Variants in CYP4Z1 observed in about 807,000 individuals in gnomAD.
CYP4Z1 encodes the protein cytochrome P450 family 4 subfamily Z member 1.
CYP4Z1 carries 41 observed loss-of-function variants against 54.2 expected under a neutral mutation model. The ratio of observed to expected loss-of-function variants is 0.76; its 90% confidence interval spans 0.59 to 0.98. CYP4Z1 has a LOEUF of 0.98. Ranked by LOEUF, CYP4Z1 falls within the 50% of genes least tolerant of loss-of-function variation. The probability of loss-of-function intolerance (pLI) is 0.00; values close to 1 mark genes in which losing one functional copy is unlikely to be tolerated. For missense variants in CYP4Z1, 513 were observed against 599.0 expected, an observed-to-expected ratio of 0.86 and a Z score of 1.50; for synonymous variants, 163 against 206.2, an observed-to-expected ratio of 0.79 and a Z score of 1.79.
chr1:47,103,987 T>G (rs1189516818), intron 8 of CYP4Z1, among the ~76,000 whole-genome samples: 8 of 152,190 alleles, frequency 5.3e-5, no homozygotes, highest in Admixed American at 5.2e-4. Flanking sequence ...GCTGGAAAAT[T>G]ATTGTGTTGT....
chr1:47,088,786 A>T (rs1182673724), intron 6 of CYP4Z1, among the ~76,000 whole-genome samples: 7 of 127,792 alleles, frequency 5.5e-5, no homozygotes, highest in African/African-American at 1.6e-4. Context: ...CCGGCTAAAT[A>T]TTGTATTTTT....
chr1:47,112,278 T>G (rs978130905), intron 9 of CYP4Z1, among the ~76,000 whole-genome samples: 18 of 152,248 alleles, frequency 1.2e-4, no homozygotes, highest in African/African-American at 4.3e-4. Context: ...AACTAGATAA[T>G]TGTATAATAC....
rs562676788 is a variant in CYP4Z1 at position 47,074,157 on chromosome 1, C to A, written c.319+5394C>A. ...GGCATTTGTTTATTTATTTATTTAT[C>A]TTTTATTTTAGATTAAGAGGTACAT... On this transcript the variant is annotated intron_variant, in intron 2 of 11. Coordinates refer to ENST00000334194, the MANE Select transcript of CYP4Z1 (RefSeq NM_178134.3). Among the ~76,000 whole-genome samples, 13 of 152,026 alleles carry A rather than the reference C, an allele frequency of 8.6e-5. No homozygotes were observed. In the South Asian group the frequency reaches 2.7e-3, roughly 32 times the overall value.
chr1:47,060,265 GCAAGCTGGATAAAAGAGCAAGACC>G, the CYP4Z1 span, among the ~76,000 whole-genome samples: 2 of 152,106 alleles, frequency 1.3e-5, no homozygotes, highest in African/African-American at 4.8e-5. Flanking sequence ...AGGCAGAGTG[GCAAGCTGGATAAAAGAGCAAGACC>G]CAATGGTATG....
Position 47,067,400 on chromosome 1 carries a change from C to T in CYP4Z1, c.-91C>T, listed in dbSNP as rs1172930556. ...GGCATTTTGAAAGCCCAGTGTTGCC[C>T]AGGGGGCATCTCCTTTGTGTTTATG... is the stretch of plus-strand genomic sequence containing the variant. On this transcript the variant is annotated 5_prime_UTR_variant, in exon 1 of 12. Transcript: ENST00000334194. The T allele has an allele frequency of 1.7e-6, 2 of 1,163,266 alleles. No homozygotes were observed. The highest frequency in any genetic ancestry group is 2.3e-6 in the Non-Finnish European group (2 of 875,916). 72.1% of individuals were successfully genotyped at this position (1,163,266 alleles called of 1,614,324 possible). A position where few individuals can be genotyped will look rare whatever the true frequency, so the allele number is the denominator to read the frequency against.
intron 8 of CYP4Z1, among the ~76,000 whole-genome samples, chr1:47,100,444 T>A (rs540956967): frequency 6.6e-6 from 1 of 152,354 alleles, no homozygotes; most frequent in East Asian, 1.9e-4. Flanking sequence ...CTGAGTAGCA[T>A]GATGAAATCT....
rs376411085 is a variant in CYP4Z1, at chr1:47,115,534, A to C, written c.1207A>C (p.Thr403Pro). The change falls in exon 10 of 12, where the codon ACT becomes CCT. Residue 403 changes from threonine to proline, a missense_variant. By Grantham distance (38) the Thr-to-Pro change is conservative. Coordinates refer to ENST00000334194, the MANE Select transcript of CYP4Z1 (RefSeq NM_178134.3). Reference sequence around the variant, plus strand: ...TTTTTCTTCTGTTTACTCAGGAATAACTGTGTTTATCAATATTTGGGCTCT... The same window carrying C: ...TTTTTCTTCTGTTTACTCAGGAATACCTGTGTTTATCAATATTTGGGCTCT... ...PDGRSLPAGI[T>P]VFINIWALHH... is the part of the protein sequence containing the mutation. The C allele has an allele frequency of 3.1e-6, 5 of 1,613,218 alleles. No homozygotes were observed. The highest frequency in any genetic ancestry group is 1.7e-6 in the Non-Finnish European group (2 of 1,179,704).
Position 47,106,136 on chromosome 1 carries a change from T to C in CYP4Z1, c.1076T>C (p.Leu359Pro). 1 of 1,613,706 alleles carries C rather than the reference T, an allele frequency of 6.2e-7. No individual in the cohort carries two copies. The change falls in exon 9 of 12, where the codon CTG becomes CCG. Residue 359 changes from leucine to proline, a missense_variant. By Grantham distance (98) the Leu-to-Pro change is moderately conservative. Coordinates refer to ENST00000334194, the MANE Select transcript of CYP4Z1 (RefSeq NM_178134.3). ...CCTGTGCTTCTACCCAGGGAACACCTGAGCCAGATGCCTTACACCACGATG... is the reference window on the plus strand; with the variant it reads ...CCTGTGCTTCTACCCAGGGAACACCCGAGCCAGATGCCTTACACCACGATG... ...GDGSSITWEH[L>P]SQMPYTTMCI...
At chr1:47,100,207 C>T (rs1300046724) in intron 8 of CYP4Z1, among the ~76,000 whole-genome samples, 2 of 152,084 alleles carry the variant, frequency 1.3e-5, no homozygotes, top group Non-Finnish European at 2.9e-5. Flanking sequence ...ATTTTCATTC[C>T]TCTATGGAAT....
At chr1:47,094,777 GC>G (rs1450971650) in intron 7 of CYP4Z1, 108 bp downstream of exon 7, 1 of 636,972 alleles carries the variant, frequency 1.6e-6, no homozygotes. Flanking sequence ...GGAGGCCAAG[GC>G]GGGCAGATCA....
chr1:47,112,688 G>C (rs1257060390), intron 9 of CYP4Z1, among the ~76,000 whole-genome samples: 1 of 150,804 alleles, frequency 6.6e-6, no homozygotes, highest in Non-Finnish European at 1.5e-5. Flanking sequence ...GTGAGGTCAA[G>C]GTGGGAGGAT....
At chr1:47,095,810 T>A (rs1644672663) in intron 7 of CYP4Z1, among the ~76,000 whole-genome samples, 1 of 152,312 alleles carries the variant, frequency 6.6e-6, no homozygotes, top group African/African-American at 2.4e-5. Context: ...TTGTACCAAA[T>A]GGCACCATGT....
At chr1:47,082,822 T>C (rs914438942) in intron 4 of CYP4Z1, among the ~76,000 whole-genome samples, 2 of 148,264 alleles carry the variant, frequency 1.3e-5, no homozygotes, top group African/African-American at 5.0e-5. Context: ...CAGGAAACAC[T>C]TCCTAAGAAA....
At chr1:47,091,453 G>A (rs940470051) in intron 6 of CYP4Z1, among the ~76,000 whole-genome samples, 11 of 146,000 alleles carry the variant, frequency 7.5e-5, no homozygotes, top group African/African-American at 2.9e-4. Context: ...GTCCATTGGC[G>A]GTTTTCCTTT....
intron 11 of CYP4Z1, among the ~76,000 whole-genome samples, chr1:47,117,306 G>C (rs1356340160): frequency 6.6e-6 from 1 of 152,116 alleles, no homozygotes; most frequent in Non-Finnish European, 1.5e-5. Context: ...ATCAAATGTT[G>C]ATAGAACTCA....
upstream of CYP4Z1, among the ~76,000 whole-genome samples, chr1:47,065,430 A>G (rs1301713895): frequency 6.6e-6 from 1 of 152,182 alleles, no homozygotes; most frequent in African/African-American, 2.4e-5. Context: ...CTCCTGAATA[A>G]TTTTGGGGTC....
At position 47,117,784 on chromosome 1, in the gene CYP4Z1, T is replaced by C. The variant is rs1644841240; in HGVS notation, c.1368T>C (p.His456=). The stretch of plus-strand genomic sequence containing the variant: ...TCCCCAGGAACTGCATTGGGCAGCA[T>C]TTTGCCATAATTGAGTGTAAAGTGG... ...SAGLRNCIGQ[H]FAIIECKVAV... is the part of the protein sequence containing the mutation. The change falls in exon 12 of 12, where the codon CAT becomes CAC. Residue 456 remains histidine, a synonymous_variant. Coordinates refer to ENST00000334194, the MANE Select transcript of CYP4Z1 (RefSeq NM_178134.3). The C allele has an allele frequency of 6.2e-7, 1 of 1,613,294 alleles. No individual in the cohort carries two copies. Among genetic ancestry groups the C allele is most frequent in the African/African-American group, 1.3e-5 (1 of 75,014 alleles).
intron 4 of CYP4Z1, among the ~76,000 whole-genome samples, chr1:47,083,961 A>T (rs1447236682): frequency 6.6e-6 from 1 of 152,178 alleles, no homozygotes; most frequent in African/African-American, 2.4e-5. Flanking sequence ...ATTAATTCAC[A>T]TTACAGAGTT....
chr1:47,079,242 G>A (rs551065623), intron 2 of CYP4Z1, among the ~76,000 whole-genome samples: 33 of 152,174 alleles, frequency 2.2e-4, no homozygotes, highest in African/African-American at 6.7e-4. Flanking sequence ...TACTGGAGAG[G>A]GATGTGGGGC....
Sources: gnomAD v4.1 joint callset for allele counts (sites outside exome capture counted in the v4.1 genomes callset) on GRCh38, gnomAD v4.1.1 for gene constraint, MANE v1.5 for transcripts, NCBI Gene and HGNC (gene_info 2026-07-23, HGNC 2026-07-21) for gene names.